Variants in SYNPR observed in about 807,000 individuals in gnomAD.
The protein encoded by SYNPR is synaptoporin.
SYNPR carries 23 observed loss-of-function variants against 32.9 expected under a neutral mutation model. That is an observed-to-expected ratio of 0.70 (90% CI 0.50 to 0.99). The LOEUF (loss-of-function observed/expected upper bound fraction) is 0.99. SYNPR is among the 50% of genes least tolerant of loss of function. The pLI is 0.00. For synonymous variants in SYNPR, 146 were observed against 135.9 expected, an observed-to-expected ratio of 1.07 and a Z score of -0.52; for missense variants, 318 against 349.3, an observed-to-expected ratio of 0.91 and a Z score of 0.71.
At chr3:63,377,288 T>G (rs2087906934) in intron 2 of SYNPR, among the ~76,000 whole-genome samples, 1 of 152,128 alleles carries the variant, frequency 6.6e-6, no homozygotes, top group South Asian at 2.1e-4. Context: ...ATTACTGGAT[T>G]TTTAGCCAGT....
At chr3:63,567,705 G>T (rs1366457637) in intron 4 of SYNPR, among the ~76,000 whole-genome samples, 1 of 152,190 alleles carries the variant, frequency 6.6e-6, no homozygotes, top group African/African-American at 2.4e-5. Flanking sequence ...GCAAAGAAAT[G>T]CTTCAGAATT....
chr3:63,366,592 C>G (rs2107044041), intron 2 of SYNPR, among the ~76,000 whole-genome samples: 2 of 152,248 alleles, frequency 1.3e-5, no homozygotes, highest in South Asian at 4.1e-4. Flanking sequence ...ATATAAGACA[C>G]AATTCCTTCT....
intron 5 of SYNPR, among the ~76,000 whole-genome samples, chr3:63,610,007 G>C (rs1464340950): frequency 1.3e-5 from 2 of 152,272 alleles, no homozygotes; most frequent in African/African-American, 4.8e-5. Context: ...AGAAAACACT[G>C]TTCAAGCCAC....
chr3:63,384,499 G>A (rs763714132), intron 2 of SYNPR, among the ~76,000 whole-genome samples: 4 of 151,832 alleles, frequency 2.6e-5, no homozygotes, highest in African/African-American at 4.8e-5. Context: ...TATCTCAACC[G>A]GTCAGTCTCA....
chr3:63,280,450 C>T (rs1161393774), intron 2 of SYNPR, among the ~76,000 whole-genome samples: 1 of 152,064 alleles, frequency 6.6e-6, no homozygotes, highest in Non-Finnish European at 1.5e-5. Flanking sequence ...CTCAAAAGCC[C>T]CTTTTACCTC....
At chr3:63,463,139 T>A (rs1700617961) in intron 2 of SYNPR, among the ~76,000 whole-genome samples, 1 of 152,180 alleles carries the variant, frequency 6.6e-6, no homozygotes, top group African/African-American at 2.4e-5. Flanking sequence ...TCAGAAGGAT[T>A]CTGTCACTTT....
chr3:63,312,828 G>A (rs1415561383), intron 2 of SYNPR, among the ~76,000 whole-genome samples: 1 of 151,932 alleles, frequency 6.6e-6, no homozygotes, highest in Non-Finnish European at 1.5e-5. Flanking sequence ...CCTCTCTCCT[G>A]CCTTAGGACT....
At chr3:63,330,376 A>G (rs1391380821) in intron 2 of SYNPR, 1 of 152,150 alleles carries the variant, frequency 6.6e-6, no homozygotes, top group African/African-American at 2.4e-5. Flanking sequence ...ATGTATGTTC[A>G]AATTCCTACT....
chr3:63,547,957 T>C (rs1228558954), intron 3 of SYNPR, among the ~76,000 whole-genome samples: 1 of 152,154 alleles, frequency 6.6e-6, no homozygotes, highest in Non-Finnish European at 1.5e-5. Context: ...CAATCATTGA[T>C]TGGCATCCAG....
intron 2 of SYNPR, among the ~76,000 whole-genome samples, chr3:63,447,762 C>T (rs1051015919): frequency 1.3e-5 from 2 of 151,116 alleles, no homozygotes; most frequent in East Asian, 3.9e-4. Context: ...TTTTTTAACA[C>T]AAATTCTAGC....
At chr3:63,581,014 A>C (rs1172185334) in intron 4 of SYNPR, among the ~76,000 whole-genome samples, 1 of 152,196 alleles carries the variant, frequency 6.6e-6, no homozygotes, top group Non-Finnish European at 1.5e-5. Context: ...ACAATGAGTC[A>C]GTGAAGATGA....
At chr3:63,548,364 A>C (rs189363245) in intron 3 of SYNPR, among the ~76,000 whole-genome samples, 1 of 152,106 alleles carries the variant, frequency 6.6e-6, no homozygotes, top group East Asian at 1.9e-4. Context: ...CCCTATCTGC[A>C]TAATGTTGGG....
intron 4 of SYNPR, among the ~76,000 whole-genome samples, chr3:63,559,883 A>G (rs1486307768): frequency 1.3e-5 from 2 of 152,242 alleles, no homozygotes. Context: ...CCATGTAAAC[A>G]TGCTCACAGG....
chr3:63,474,348 GT>G (rs1045058736), intron 2 of SYNPR, among the ~76,000 whole-genome samples: 28 of 152,216 alleles, frequency 1.8e-4, no homozygotes, highest in African/African-American at 6.5e-4. Flanking sequence ...TCTTTGGTGT[GT>G]ATGAGGACTG....
chr3:63,480,729 C>A, intron 2 of SYNPR, 103 bp from the exon 3 acceptor site: 1 of 1,419,696 alleles, frequency 7.0e-7, no homozygotes, highest in Non-Finnish European at 9.5e-7. Flanking sequence ...TTCAGAAGGA[C>A]CATAAATTCC....
intron 1 of SYNPR, among the ~76,000 whole-genome samples, chr3:63,244,958 A>G (rs1467294437): frequency 6.6e-6 from 1 of 152,114 alleles, no homozygotes; most frequent in East Asian, 1.9e-4. Flanking sequence ...AATTGCTTGA[A>G]CTATAAAAAC....
intron 2 of SYNPR, among the ~76,000 whole-genome samples, chr3:63,369,110 G>A (rs1258687943): frequency 6.6e-6 from 1 of 152,116 alleles, no homozygotes; most frequent in African/African-American, 2.4e-5. Flanking sequence ...CCCTTAGAGT[G>A]GGAACTTAAT....
chr3:63,261,027 C>T (rs1388282580), intron 2 of SYNPR, among the ~76,000 whole-genome samples: 1 of 152,194 alleles, frequency 6.6e-6, no homozygotes, highest in Non-Finnish European at 1.5e-5. Context: ...TACCATCTCA[C>T]ACCACTTAGA....
Position 63,571,551 on chromosome 3 carries a change from T to A in SYNPR, c.408+14810T>A, listed in dbSNP as rs530074677. On this transcript the variant is annotated intron_variant, in intron 4 of 5. Coordinates refer to ENST00000478300, the MANE Select transcript of SYNPR (RefSeq NM_001130003.2). ...AACAGCCAACCTTTTAAAGACTCAG[T>A]TATGAATTACCCTCAAAGAGAAGGA... Among the ~76,000 whole-genome samples the A allele has an allele frequency of 4.6e-5, 7 of 152,232 alleles. No homozygotes were observed. The East Asian group carries it at 1.4e-3, about 29-fold the overall frequency.
Sources: allele counts gnomAD v4.1 joint callset (sites outside exome capture counted in the v4.1 genomes callset), GRCh38; gene constraint gnomAD v4.1.1; transcripts MANE v1.5; gene names NCBI Gene and HGNC (gene_info 2026-07-23, HGNC 2026-07-21).